ISM1: variants seen among roughly 807,000 people sequenced by gnomAD.
ISM1 encodes the protein isthmin-1.
ISM1 carries 25 observed loss-of-function variants against 46.3 expected under a neutral mutation model. That is an observed-to-expected ratio of 0.54 (90% confidence interval 0.39 to 0.75). ISM1 has a LOEUF of 0.75. ISM1 is among the 30% of genes least tolerant of loss of function. The pLI is 0.00. For missense variants in ISM1, 536 were observed against 625.4 expected, an observed-to-expected ratio of 0.86 and a Z score of 1.52; for synonymous variants, 255 against 256.7, an observed-to-expected ratio of 0.99 and a Z score of 0.06.
rs2040363876 is a variant in ISM1, at chr20:13,292,469, A to AT, written c.877+13dup. On this transcript the variant is annotated splice_region_variant and intron_variant, in intron 5 of 5. Coordinates refer to ENST00000262487, the MANE Select transcript of ISM1 (RefSeq NM_080826.2). ...CACCAAACTGTTTGAAGTTGGTAAG[A>AT]TTTTTTTCTTTTTTAATCCAAATAT... is the stretch of plus-strand genomic sequence containing the variant. 2 of 1,571,832 alleles carry AT rather than the reference A, an allele frequency of 1.3e-6. No homozygotes were observed. The highest frequency in any genetic ancestry group is 1.4e-5 in the African/African-American group (1 of 74,026).
At chr20:13,315,233 C>A in the ISM1 span, among the ~76,000 whole-genome samples, 10 of 151,866 alleles carry the variant, frequency 6.6e-5, no homozygotes, top group Non-Finnish European at 8.8e-5. Flanking sequence ...CCTAAATATA[C>A]CAATTGAAAA....
intron 1 of ISM1, among the ~76,000 whole-genome samples, chr20:13,267,206 GA>G (rs2040052466): frequency 6.6e-6 from 1 of 152,194 alleles, no homozygotes; most frequent in African/African-American, 2.4e-5. Context: ...AATATGTTTT[GA>G]AAGAGGTGCA....
intron 1 of ISM1, among the ~76,000 whole-genome samples, chr20:13,262,075 TG>T (rs1485066575): frequency 2.6e-5 from 4 of 152,200 alleles, no homozygotes; most frequent in Non-Finnish European, 5.9e-5. Context: ...CTCTTCAAAT[TG>T]GGTCCTGGAA....
Position 13,299,041 on chromosome 20 carries a change from A to G in ISM1, c.977A>G (p.Tyr326Cys). 6.2e-7 allele frequency: 1 copy of G among 1,613,642 alleles called. No homozygotes were observed. Among genetic ancestry groups the G allele is most frequent in the Non-Finnish European group, 8.5e-7 (1 of 1,179,804 alleles). ...GACCTGCCCAGCTGCCCCTGCTCCT[A>G]CCCCACTGAGGTGGCCTACAGCACG... ...MNDLPSCPCS[Y>C]PTEVAYSTAD... The change falls in exon 6 of 6, where the codon TAC becomes TGC. Residue 326 changes from tyrosine to cysteine, a missense_variant. Tyr to Cys is a radical substitution (Grantham distance 194). Around this residue, in one of 2 missense-constraint regions of ISM1, gnomAD observed 169 missense variants for 249.3 expected, o/e 0.68. Coordinates refer to ENST00000262487, the MANE Select transcript of ISM1 (RefSeq NM_080826.2). This position sits in a 1 kb window ranked among gnomAD's most constrained non-coding sequence, Gnocchi z 5.8.
chr20:13,282,114 C>T (rs574997877), intron 3 of ISM1, among the ~76,000 whole-genome samples: 17 of 152,240 alleles, frequency 1.1e-4, no homozygotes, highest in African/African-American at 3.9e-4. Context: ...AATGGTTCTC[C>T]ACCTTGATTG....
chr20:13,309,993 A>C, the ISM1 span, among the ~76,000 whole-genome samples: 1 of 152,238 alleles, frequency 6.6e-6, no homozygotes, highest in African/African-American at 2.4e-5. Context: ...AAGAATTTAT[A>C]TCACAAAAAT....
At chr20:13,314,689 G>A in the ISM1 span, among the ~76,000 whole-genome samples, 2 of 152,102 alleles carry the variant, frequency 1.3e-5, no homozygotes, top group Non-Finnish European at 2.9e-5. Context: ...CATAAAAAAG[G>A]AGGAGAATCA....
intron 3 of ISM1, among the ~76,000 whole-genome samples, chr20:13,283,570 T>C (rs1008856617): frequency 2.6e-5 from 4 of 152,206 alleles, no homozygotes; most frequent in Non-Finnish European, 5.9e-5. Flanking sequence ...CTTGTGATGA[T>C]GAAAACACAG....
chr20:13,293,450 T>C (rs914594487), intron 5 of ISM1, among the ~76,000 whole-genome samples: 1 of 151,998 alleles, frequency 6.6e-6, no homozygotes, highest in Non-Finnish European at 1.5e-5. Context: ...AGTTCTTACT[T>C]AGCCTCTTCA....
chr20:13,304,279 C>T (rs2040481765), downstream of ISM1, among the ~76,000 whole-genome samples: 3 of 152,140 alleles, frequency 2.0e-5, no homozygotes, highest in Admixed American at 2.0e-4. Context: ...CCCAGTCAGT[C>T]TCTGCCAACT....
intron 5 of ISM1, 112 bp downstream of exon 5, chr20:13,292,575 G>C: frequency 2.9e-6 from 2 of 697,152 alleles, no homozygotes; most frequent in African/African-American, 3.6e-5. Flanking sequence ...TCCTTTTCTG[G>C]GGTCCAGTGC....
At chr20:13,325,369 G>T in the ISM1 span, among the ~76,000 whole-genome samples, 1 of 152,180 alleles carries the variant, frequency 6.6e-6, no homozygotes, top group Non-Finnish European at 1.5e-5. Context: ...TCGAACTCCT[G>T]CATGCTTGCT....
intron 1 of ISM1, among the ~76,000 whole-genome samples, chr20:13,251,219 GT>G (rs1370123712): frequency 6.6e-6 from 1 of 152,044 alleles, no homozygotes. Context: ...GATGTTGAAG[GT>G]TTTCACTTCC....
intron 1 of ISM1, among the ~76,000 whole-genome samples, chr20:13,267,286 A>G (rs2040053054): frequency 6.6e-6 from 1 of 152,216 alleles, no homozygotes; most frequent in African/African-American, 2.4e-5. Flanking sequence ...CAAATACTTT[A>G]CAAACACCAA....
At chr20:13,283,839 A>G (rs2040263524) in intron 3 of ISM1, among the ~76,000 whole-genome samples, 1 of 152,212 alleles carries the variant, frequency 6.6e-6, no homozygotes, top group African/African-American at 2.4e-5. Flanking sequence ...CCCTATTTTA[A>G]TAGATTTCAC....
At chr20:13,306,166 T>C in the ISM1 span, among the ~76,000 whole-genome samples, 1 of 152,210 alleles carries the variant, frequency 6.6e-6, no homozygotes, top group Non-Finnish European at 1.5e-5. Context: ...ATATTTGAAT[T>C]GGGAAAGTAA....
At chr20:13,290,519 G>A (rs1223596095) in intron 4 of ISM1, among the ~76,000 whole-genome samples, 1 of 152,048 alleles carries the variant, frequency 6.6e-6, no homozygotes, top group Non-Finnish European at 1.5e-5. Flanking sequence ...CATGGTGGCG[G>A]GCGCCTGTAG....
intron 1 of ISM1, among the ~76,000 whole-genome samples, chr20:13,234,320 T>G (rs1433503080): frequency 2.0e-5 from 3 of 152,374 alleles, no homozygotes; most frequent in African/African-American, 7.2e-5. Context: ...CTAAGTAGTA[T>G]TCCATGGTAT....
downstream of ISM1, among the ~76,000 whole-genome samples, chr20:13,305,146 C>G (rs1235935947): frequency 6.7e-6 from 1 of 148,822 alleles, no homozygotes; most frequent in Admixed American, 6.7e-5. Flanking sequence ...AAGAGTCAAT[C>G]TCATTCTGGC....
Sources: gnomAD v4.1 joint callset for allele counts (sites outside exome capture counted in the v4.1 genomes callset) on GRCh38, gnomAD v4.1.1 for gene constraint, gnomAD v4.1.1 regional missense constraint, Gnocchi (gnomAD v3.1) non-coding constraint, MANE v1.5 for transcripts, NCBI Gene and HGNC (gene_info 2026-07-23, HGNC 2026-07-21) for gene names.